The following PRELID1 variants were observed in gnomAD, a reference collection of about 807,000 sequenced individuals.
The protein encoded by PRELID1 is PRELI domain-containing protein 1, mitochondrial.
In PRELID1, 15 loss-of-function variants were observed where a neutral mutation model predicts 29.0. That is an observed-to-expected ratio of 0.52 (90% CI 0.35 to 0.80). PRELID1 has a LOEUF of 0.80. Among genes scored for constraint, PRELID1 ranks in the 30% least tolerant of loss-of-function variants. The pLI, the probability that PRELID1 is intolerant of heterozygous loss-of-function variation, is 0.01. For missense variants in PRELID1, 187 were observed against 275.9 expected (o/e 0.68, Z 2.28); for synonymous variants, 79 against 106.5 (o/e 0.74, Z 1.59).
rs1308927597 is a variant in PRELID1 at position 177,306,673 on chromosome 5, T to G, written c.*103T>G. ...AAAATCAACTTCCAGCCCTGTCTGC[T>G]GTCTACGTGGTGGGTTGTGGGGATG... On this transcript the variant is annotated 3_prime_UTR_variant, in exon 5 of 5. Coordinates refer to ENST00000303204, the MANE Select transcript of PRELID1 (RefSeq NM_013237.4). 3.4e-6 allele frequency: 5 copies of G among 1,476,214 alleles called. No individual in the cohort carries two copies. In the East Asian group the frequency reaches 1.2e-4, roughly 37 times the overall value. The allele number at this position is 1,476,214 out of a possible 1,614,324, so 91.4% of individuals were successfully genotyped here. A position where few individuals can be genotyped will look rare whatever the true frequency, so the allele number is the denominator to read the frequency against.
In PRELID1 at chr5:177,303,824, G is replaced by A; in HGVS notation, c.-162G>A. The A allele has an allele frequency of 2.1e-6, 1 of 473,968 alleles. No homozygotes were observed. Among genetic ancestry groups the A allele is most frequent in the Non-Finnish European group, 3.5e-6 (1 of 286,328 alleles). The allele number at this position is 473,968 out of a possible 1,614,324, so 29.4% of individuals were successfully genotyped here. Reference sequence around the variant, plus strand: ...GCGCGGCCGGACAACTCATGGCGGCGGCGGCGGCGGCGGCAGCTGCTTGGG... The same window carrying A: ...GCGCGGCCGGACAACTCATGGCGGCAGCGGCGGCGGCGGCAGCTGCTTGGG... On this transcript the variant is annotated 5_prime_UTR_variant, in exon 1 of 5. Coordinates refer to ENST00000303204, the MANE Select transcript of PRELID1 (RefSeq NM_013237.4). The surrounding 1 kb of genome is among the most constrained non-coding windows in gnomAD (Gnocchi z 6.1).
At position 177,306,665 on chromosome 5, in the gene PRELID1, C is replaced by G. The variant is rs1760886317; in HGVS notation, c.*95C>G. On this transcript the variant is annotated 3_prime_UTR_variant, in exon 5 of 5. Coordinates refer to ENST00000303204, the MANE Select transcript of PRELID1 (RefSeq NM_013237.4). ...TATCATTAAAAATCAACTTCCAGCCCTGTCTGCTGTCTACGTGGTGGGTTG... is the reference window on the plus strand; with the variant it reads ...TATCATTAAAAATCAACTTCCAGCCGTGTCTGCTGTCTACGTGGTGGGTTG... 1 of 1,488,900 alleles carries G rather than the reference C, an allele frequency of 6.7e-7. No homozygotes were observed. 92.2% of individuals were successfully genotyped at this position (1,488,900 alleles called of 1,614,324 possible). A position where few individuals can be genotyped will look rare whatever the true frequency, so the allele number is the denominator to read the frequency against.
chr5:177,306,617 T>C lies in PRELID1; in HGVS notation c.*47T>C, dbSNP rs757628056. ...ACCCCAGACAGCTAGGCTTAGCCTC[T>C]CTGCCCTCCCTTCATTGTACTTTAT... On this transcript the variant is annotated 3_prime_UTR_variant, in exon 5 of 5. Transcript: ENST00000303204. The C allele has an allele frequency of 2.9e-5, 46 of 1,575,382 alleles. No individual in the cohort carries two copies. The South Asian group carries it at 5.2e-4, about 18-fold the overall frequency.
chr5:177,305,941 C>T lies in PRELID1; in HGVS notation c.389C>T (p.Ala130Val). 2 of 1,614,146 alleles carry T rather than the reference C, an allele frequency of 1.2e-6. No individual in the cohort carries two copies. Among genetic ancestry groups the T allele is most frequent in the Non-Finnish European group, 1.7e-6 (2 of 1,180,028 alleles). ...GGCTGGACTGAAATCCGCCGGGAAG[C>T]CTGGGTCTCCTCTAGCTTATTTGGT... ...NSGWTEIRRE[A>V]WVSSSLFGVS... Residue 130 changes from alanine (A) to valine (V), a missense_variant, in exon 3 of 5, where the codon GCC becomes GTC. Coordinates refer to ENST00000303204, the MANE Select transcript of PRELID1 (RefSeq NM_013237.4).
intron 4 of PRELID1, 75 bp from the exon 5 acceptor site, chr5:177,306,347 T>C: frequency 6.2e-7 from 1 of 1,603,566 alleles, no homozygotes; most frequent in Non-Finnish European, 8.5e-7. Flanking sequence ...CAGAGGAGAT[T>C]GGTGTCATGG....
Position 177,304,091 on chromosome 5 carries a change from G to C in PRELID1, c.92+14G>C. ...GAATCCCTATAGGTACGTGGTATTT[G>C]GAAGAGCAAAACCGCGCCATCTCGC... On this transcript the variant is annotated intron_variant, in intron 1 of 4. Transcript: ENST00000303204. 6.2e-7 allele frequency: 1 copy of C among 1,608,268 alleles called. No homozygotes were observed. The highest frequency in any genetic ancestry group is 1.1e-5 in the South Asian group (1 of 91,016).
chr5:177,306,685 G>A lies in PRELID1; in HGVS notation c.*115G>A, dbSNP rs1760887097. On this transcript the variant is annotated 3_prime_UTR_variant, in exon 5 of 5. Transcript: ENST00000303204. ...CAGCCCTGTCTGCTGTCTACGTGGT[G>A]GGTTGTGGGGATGCAGTTTGGCATC... 2.1e-6 allele frequency: 3 copies of A among 1,429,572 alleles called. No individual in the cohort carries two copies. The highest frequency in any genetic ancestry group is 1.4e-5 in the African/African-American group (1 of 69,662). The allele number at this position is 1,429,572 out of a possible 1,614,324, so 88.6% of individuals were successfully genotyped here. A position where few individuals can be genotyped will look rare whatever the true frequency, so the allele number is the denominator to read the frequency against.
In PRELID1 at chr5:177,305,803, G is replaced by A. The variant is rs141847642; in HGVS notation, c.319-68G>A. On this transcript the variant is annotated intron_variant, in intron 2 of 4. Transcript: ENST00000303204. Reference sequence around the variant, plus strand: ...GCTTCGCCTCATGAAAAGTGACAGGGAGTCAGATTTATGTGCAAGTTGGCA... The same window carrying A: ...GCTTCGCCTCATGAAAAGTGACAGGAAGTCAGATTTATGTGCAAGTTGGCA... 4.9e-4 allele frequency: 641 copies of A among 1,304,064 alleles called. 3 individuals carry two copies. The African/African-American group carries it at 8.2e-3, about 17-fold the overall frequency. 80.8% of individuals were successfully genotyped at this position (1,304,064 alleles called of 1,614,324 possible).
At chr5:177,304,440 A>G (rs1760801087) in intron 1 of PRELID1, 185 bp from the exon 2 acceptor site, 1 of 694,536 alleles carries the variant, frequency 1.4e-6, no homozygotes, top group Admixed American at 2.0e-5. Flanking sequence ...GGTCAGTCAG[A>G]TGGCGGGAGT....
chr5:177,304,913 T>G, intron 2 of PRELID1, 63 bp downstream of exon 2: 1 of 1,432,346 alleles, frequency 7.0e-7, no homozygotes, highest in South Asian at 1.2e-5. Context: ...GATAGAGAGC[T>G]CCTCAGATAC....
At chr5:177,306,401 G>A in intron 4 of PRELID1, 21 bp from the exon 5 acceptor site, 1 of 1,613,752 alleles carries the variant, frequency 6.2e-7, no homozygotes, top group Non-Finnish European at 8.5e-7. Context: ...TCTAAAGGCA[G>A]CCACCTGCCG....
At chr5:177,304,154 G>A (rs1760793112) in intron 1 of PRELID1, 77 bp downstream of exon 1, 3 of 1,379,040 alleles carry the variant, frequency 2.2e-6, no homozygotes, top group African/African-American at 2.9e-5. Context: ...CCCAAGTACT[G>A]GGACCAGGAA....
chr5:177,304,301 G>C, intron 1 of PRELID1: 1 of 602,936 alleles, frequency 1.7e-6, no homozygotes, highest in African/African-American at 1.8e-5. Context: ...AGTGTGGTGA[G>C]ACAAGAAGAG....
At position 177,304,723 on chromosome 5, in the gene PRELID1, G is replaced by A. The variant is rs1222963928; in HGVS notation, c.191G>A (p.Arg64His). 1 of 1,613,864 alleles carries A rather than the reference G, an allele frequency of 6.2e-7. No homozygotes were observed. The highest frequency in any genetic ancestry group is 1.3e-5 in the African/African-American group (1 of 74,904). The change falls in exon 2 of 5, where the codon CGC becomes CAC. Residue 64 changes from arginine to histidine, a missense_variant. Arg to His is a conservative substitution (Grantham distance 29, BLOSUM62 0). Coordinates refer to ENST00000303204, the MANE Select transcript of PRELID1 (RefSeq NM_013237.4). ...RLLTKTNRMP[R>H]WAERLFPANV... ...CTGACCAAGACCAACAGGATGCCAC[G>A]CTGGGCCGAGCGACTATTTCCTGCC... is the stretch of plus-strand genomic sequence containing the variant.
At position 177,306,515 on chromosome 5, in the gene PRELID1, A is replaced by G. The variant is rs1166191145; in HGVS notation, c.605A>G (p.Asp202Gly). ...CTGGCAGCTACAGAGAAGGCCAAGG[A>G]CCTCGCCAGCAAGGCGGCCACCAAG... is the stretch of plus-strand genomic sequence containing the variant. ...TALAATEKAK[D>G]LASKAATKKQ... is the part of the protein sequence containing the mutation. Residue 202 changes from aspartate (D) to glycine (G), a missense_variant, in exon 5 of 5, where the codon GAC (aspartate) becomes GGC (glycine). By Grantham distance (94) the Asp-to-Gly change is moderately conservative. Coordinates refer to ENST00000303204, the MANE Select transcript of PRELID1 (RefSeq NM_013237.4). 8 of 1,612,366 alleles carry G rather than the reference A, an allele frequency of 5.0e-6. No homozygotes were observed. The highest frequency in any genetic ancestry group is 3.4e-6 in the Non-Finnish European group (4 of 1,179,338).
At chr5:177,305,461 C>A (rs1303160372) in intron 2 of PRELID1, 2 of 214,372 alleles carry the variant, frequency 9.3e-6, no homozygotes, top group Non-Finnish European at 1.9e-5. Flanking sequence ...CCCGCCTCGG[C>A]CTCCCAAAGT....
intron 1 of PRELID1, 52 bp downstream of exon 1, chr5:177,304,129 G>C (rs1243858387): frequency 1.3e-6 from 2 of 1,505,904 alleles, no homozygotes; most frequent in East Asian, 4.5e-5. Context: ...TCTGGAGATC[G>C]AATTATGGGT....
At position 177,306,292 on chromosome 5, in the gene PRELID1, G is replaced by A; in HGVS notation, c.511+116G>A. 3 of 1,562,638 alleles carry A rather than the reference G, an allele frequency of 1.9e-6. No homozygotes were observed. The South Asian group carries it at 3.4e-5, about 18-fold the overall frequency. ...GAGCTGGGACTCCTTGTCTGTACTGGGGGTGGGAGGAGGGTGAATACCACC... is the reference window on the plus strand; with the variant it reads ...GAGCTGGGACTCCTTGTCTGTACTGAGGGTGGGAGGAGGGTGAATACCACC... On this transcript the variant is annotated intron_variant, in intron 4 of 4. Coordinates refer to ENST00000303204, the MANE Select transcript of PRELID1 (RefSeq NM_013237.4).
chr5:177,305,835 A>G (rs1187235789), intron 2 of PRELID1, 36 bp from the exon 3 acceptor site: 1 of 1,580,114 alleles, frequency 6.3e-7, no homozygotes, highest in East Asian at 2.2e-5. Flanking sequence ...GGCAAAATGA[A>G]AGACTGTTCC....
Sources: allele counts gnomAD v4.1 joint callset, GRCh38; gene constraint gnomAD v4.1.1; non-coding constraint Gnocchi (gnomAD v3.1); transcripts MANE v1.5; gene names NCBI Gene and HGNC (gene_info 2026-07-23, HGNC 2026-07-21).